Variants in TXK observed in about 807,000 individuals in gnomAD.
TXK encodes tyrosine-protein kinase TXK.
Under a neutral mutation model 81.0 loss-of-function variants are expected in TXK, and 60 were observed. The ratio of observed to expected loss-of-function variants is 0.74; its 90% CI spans 0.60 to 0.92. The LOEUF is 0.92. Ranked by LOEUF, TXK falls within the 40% of genes least tolerant of loss-of-function variation. The pLI is 0.00. For missense variants in TXK, 581 were observed against 638.3 expected, an observed-to-expected ratio of 0.91 and a Z score of 0.97; for synonymous variants, 203 against 210.7, an observed-to-expected ratio of 0.96 and a Z score of 0.32.
rs1012555038 is a variant in TXK, at chr4:48,066,910, A to T, written c.*727T>A. On this transcript the variant is annotated 3_prime_UTR_variant, in exon 15 of 15. Coordinates refer to ENST00000264316, the MANE Select transcript of TXK (RefSeq NM_003328.3). ...AAACTGTCCAATCTCACATGTAAAA[A>T]GTGTAAAATCACAGAACTAAAATCA... The T allele has an allele frequency of 6.6e-6, 1 of 152,226 alleles. No individual in the cohort carries two copies. Among genetic ancestry groups the T allele is most frequent in the African/African-American group, 2.4e-5 (1 of 41,460 alleles). The allele number at this position is 152,226 out of a possible 1,614,324, so 9.4% of individuals were successfully genotyped here. A position where few individuals can be genotyped will look rare whatever the true frequency, so the allele number is the denominator to read the frequency against.
At position 48,120,340 on chromosome 4, in the gene TXK, ATATATACG is replaced by A. The variant is rs1389118401; in HGVS notation, c.17-5946_17-5939del. Among the ~76,000 whole-genome samples, 4 of 149,988 alleles carry A rather than the reference ATATATACG, an allele frequency of 2.7e-5. No individual in the cohort carries two copies. The South Asian group carries it at 8.4e-4, about 31-fold the overall frequency. ...AATACATATATACGTATATATACACATATATACGTATATACGTATGTATATATAAAATA... is the reference window on the plus strand; with the variant it reads ...AATACATATATACGTATATATACACATATATACGTATGTATATATAAAATA... On this transcript the variant is annotated intron_variant, in intron 1 of 14. Transcript: ENST00000264316.
At chr4:48,105,472 CAG>C (rs949215233) in intron 5 of TXK, among the ~76,000 whole-genome samples, 11 of 152,180 alleles carry the variant, frequency 7.2e-5, no homozygotes, top group African/African-American at 2.6e-4. Flanking sequence ...TGGGAGATAA[CAG>C]GGGGAACACA....
intron 12 of TXK, among the ~76,000 whole-genome samples, chr4:48,075,108 A>G (rs1717015167): frequency 6.6e-6 from 1 of 151,916 alleles, no homozygotes; most frequent in Admixed American, 6.6e-5. Flanking sequence ...GGGAAAGAAA[A>G]GGGGGGTACT....
chr4:48,120,164 T>C (rs1354822815), intron 1 of TXK, among the ~76,000 whole-genome samples: 2 of 145,270 alleles, frequency 1.4e-5, no homozygotes, highest in Non-Finnish European at 3.1e-5. Context: ...TGCATATATA[T>C]GTATATACGT....
At chr4:48,125,135 A>T (rs1306707368) in intron 1 of TXK, among the ~76,000 whole-genome samples, 1 of 152,178 alleles carries the variant, frequency 6.6e-6, no homozygotes, top group Non-Finnish European at 1.5e-5. Flanking sequence ...AAACAGAGGA[A>T]CAGAGAGCTT....
chr4:48,120,624 G>A (rs1230751731), intron 1 of TXK, among the ~76,000 whole-genome samples: 1 of 151,796 alleles, frequency 6.6e-6, no homozygotes, highest in Admixed American at 6.6e-5. Context: ...CAGAGTACCT[G>A]GGATTACAGA....
chr4:48,089,867 TATAGAAGAAAG>T (rs749803151), intron 8 of TXK, 43 bp from the exon 9 acceptor site: 1 of 1,396,556 alleles, frequency 7.2e-7, no homozygotes, highest in Non-Finnish European at 1.0e-6. Flanking sequence ...TAGTTGCTAA[TATAGAAGAAAG>T]AATGAAATAT....
chr4:48,071,703 G>A, intron 13 of TXK, 29 bp from the exon 14 acceptor site: 1 of 1,608,400 alleles, frequency 6.2e-7, no homozygotes. Context: ...GAAAACAAGG[G>A]GTTAGAGAGA....
chr4:48,091,022 A>G (rs894143534), intron 8 of TXK, among the ~76,000 whole-genome samples: 2 of 152,266 alleles, frequency 1.3e-5, no homozygotes, highest in African/African-American at 2.4e-5. Flanking sequence ...AGATTCCAGC[A>G]GATTCCAAGA....
chr4:48,119,623 C>T (rs1012637441), intron 1 of TXK, among the ~76,000 whole-genome samples: 9 of 152,156 alleles, frequency 5.9e-5, no homozygotes, highest in Admixed American at 3.3e-4. Context: ...AGACTTACTT[C>T]TGGAGACAAA....
At chr4:48,076,539 T>C (rs1717076801) in intron 11 of TXK, 73 bp from the exon 12 acceptor site, 1 of 1,359,136 alleles carries the variant, frequency 7.4e-7, no homozygotes, top group Middle Eastern at 1.8e-4. Context: ...TCCTTTTCCT[T>C]AGGTTATTTG....
chr4:48,067,394 T>A lies in TXK; in HGVS notation c.*243A>T, dbSNP rs1403089271. ...GCGAAGTCTTTTTCACTTCTTCACA[T>A]TTGGGATGTGAAATATTTTACAGAA... On this transcript the variant is annotated 3_prime_UTR_variant, in exon 15 of 15. Transcript: ENST00000264316. 4.5e-6 allele frequency: 2 copies of A among 443,688 alleles called. No individual in the cohort carries two copies. The highest frequency in any genetic ancestry group is 4.2e-5 in the East Asian group (1 of 24,002). The allele number at this position is 443,688 out of a possible 1,614,324, so 27.5% of individuals were successfully genotyped here.
Position 48,076,277 on chromosome 4 carries a change from G to A in TXK, c.1238+125C>T. 4.6e-6 allele frequency: 3 copies of A among 658,836 alleles called. No homozygotes were observed. In the East Asian group the frequency reaches 9.4e-5, roughly 21 times the overall value. The allele number at this position is 658,836 out of a possible 1,614,324, so 40.8% of individuals were successfully genotyped here. On this transcript the variant is annotated intron_variant, in intron 12 of 14. Transcript: ENST00000264316. Reference sequence around the variant, plus strand: ...GTGGGTCAGTAGGCCATACAACCAGGCCTACAACCTAGGAAGATAAAAACA... The same window carrying A: ...GTGGGTCAGTAGGCCATACAACCAGACCTACAACCTAGGAAGATAAAAACA...
chr4:48,071,413 C>A, intron 14 of TXK, 104 bp downstream of exon 14: 1 of 1,140,616 alleles, frequency 8.8e-7, no homozygotes, highest in Non-Finnish European at 1.3e-6. Context: ...GACACAGATG[C>A]CTTTTCCTGC....
At chr4:48,109,537 A>G (rs577782185) in intron 5 of TXK, 1 of 152,370 alleles carries the variant, frequency 6.6e-6, no homozygotes, top group South Asian at 2.1e-4. Flanking sequence ...AGGTGGGAAA[A>G]GAGAGAAGAG....
At chr4:48,114,916 A>G (rs1162919850) in intron 1 of TXK, among the ~76,000 whole-genome samples, 1 of 152,074 alleles carries the variant, frequency 6.6e-6, no homozygotes, top group African/African-American at 2.4e-5. Flanking sequence ...TGCATGTTAG[A>G]ATTATCTGAG....
intron 1 of TXK, among the ~76,000 whole-genome samples, chr4:48,121,622 T>C (rs540843598): frequency 9.9e-4 from 151 of 152,210 alleles, no homozygotes; most frequent in Non-Finnish European, 1.4e-3. Flanking sequence ...TTACTTATAA[T>C]ACCTAATACA....
At chr4:48,072,070 C>T (rs538652312) in intron 13 of TXK, among the ~76,000 whole-genome samples, 3 of 151,512 alleles carry the variant, frequency 2.0e-5, no homozygotes, top group East Asian at 2.0e-4. Context: ...GTGGCATGAT[C>T]TCAGCTCACT....
At chr4:48,098,876 T>C (rs994942191) in intron 6 of TXK, among the ~76,000 whole-genome samples, 1 of 152,040 alleles carries the variant, frequency 6.6e-6, no homozygotes, top group African/African-American at 2.4e-5. Flanking sequence ...GAGGCTGCAG[T>C]GAGCTGAGAT....
Sources: allele counts gnomAD v4.1 joint callset (sites outside exome capture counted in the v4.1 genomes callset), GRCh38; gene constraint gnomAD v4.1.1; transcripts MANE v1.5; gene names NCBI Gene and HGNC (gene_info 2026-07-23, HGNC 2026-07-21).